COL28A1: variants seen among roughly 807,000 people sequenced by gnomAD.
COL28A1 encodes the protein collagen type XXVIII alpha 1 chain.
A neutral mutation model predicts 150.2 loss-of-function variants in COL28A1; 161 were observed. The observed-to-expected ratio is 1.07, with a 90% CI of 0.94 to 1.22. COL28A1 has a LOEUF of 1.22. Ranked by LOEUF, COL28A1 falls within the 50% of genes most tolerant of loss-of-function variation. The probability of loss-of-function intolerance (pLI) is 0.00; values close to 1 mark genes in which losing one functional copy is unlikely to be tolerated. For synonymous variants in COL28A1, 552 were observed against 469.7 expected (o/e 1.18, Z -2.26); for missense variants, 1,617 against 1,388.3 (o/e 1.16, Z -2.62).
At chr7:7,400,139 T>C (rs1375521763) in intron 27 of COL28A1, among the ~76,000 whole-genome samples, 1 of 152,224 alleles carries the variant, frequency 6.6e-6, no homozygotes, top group Non-Finnish European at 1.5e-5. Flanking sequence ...TCATGCTGAT[T>C]TAATACTTGA....
chr7:7,383,427 T>G (rs957949193), intron 27 of COL28A1, among the ~76,000 whole-genome samples: 1 of 151,550 alleles, frequency 6.6e-6, no homozygotes, highest in African/African-American at 2.4e-5. Context: ...TACAGGTGTG[T>G]GCCACTATGC....
the COL28A1 span, among the ~76,000 whole-genome samples, chr7:7,345,338 CATT>C: frequency 6.6e-5 from 10 of 151,868 alleles, no homozygotes; most frequent in Admixed American, 3.3e-4. Context: ...TTAATATGTT[CATT>C]ATTATCTTGT....
chr7:7,542,749 T>G, the COL28A1 span, among the ~76,000 whole-genome samples: 3 of 152,208 alleles, frequency 2.0e-5, no homozygotes, highest in Admixed American at 1.3e-4. Context: ...AAAATCACTC[T>G]GATTGCTGTG....
rs1419573303 is a variant in COL28A1, at chr7:7,466,088, G to A, written c.1302+8513C>T. Among the ~76,000 whole-genome samples the A allele has an allele frequency of 2.2e-5, 3 of 135,834 alleles. 1 individual carries two copies. The highest frequency in any genetic ancestry group is 4.8e-5 in the Non-Finnish European group (3 of 63,034). The allele number at this position is 135,834 out of a possible 152,430, so 89.1% of individuals were successfully genotyped here. On this transcript the variant is annotated intron_variant, in intron 15 of 34. Coordinates refer to ENST00000399429, the MANE Select transcript of COL28A1 (RefSeq NM_001037763.3). ...GGAACGCAGTTCCTCACCAGCAACA[G>A]AACAAAGCTGGATGGAGAATGACTT...
chr7:7,448,916 C>A (rs974783581), intron 18 of COL28A1, among the ~76,000 whole-genome samples: 1 of 151,876 alleles, frequency 6.6e-6, no homozygotes, highest in Non-Finnish European at 1.5e-5. Flanking sequence ...AAAAACAGAT[C>A]AATGGTTAGC....
chr7:7,387,072 A>T (rs71533371), intron 27 of COL28A1, among the ~76,000 whole-genome samples: 2 of 152,092 alleles, frequency 1.3e-5, no homozygotes, highest in Admixed American at 6.6e-5. Context: ...CACCACCCCA[A>T]GGCCCCACTT....
chr7:7,388,418 C>A (rs1407785689), intron 27 of COL28A1, among the ~76,000 whole-genome samples: 4 of 152,054 alleles, frequency 2.6e-5, no homozygotes, highest in African/African-American at 9.7e-5. Context: ...CATTAACGGG[C>A]ATTTGGGTTG....
chr7:7,454,358 G>C (rs993110568), intron 16 of COL28A1, among the ~76,000 whole-genome samples: 1 of 152,092 alleles, frequency 6.6e-6, no homozygotes, highest in African/African-American at 2.4e-5. Context: ...CATAGACAGA[G>C]GTTAAATTTA....
At chr7:7,389,423 G>GTATAGTTTGAA (rs1782397484) in intron 27 of COL28A1, among the ~76,000 whole-genome samples, 1 of 152,114 alleles carries the variant, frequency 6.6e-6, no homozygotes, top group Non-Finnish European at 1.5e-5. Flanking sequence ...TTTGAAGTCA[G>GTATAGTTTGAA]GTAGCGTAAT....
chr7:7,520,219 T>C lies in COL28A1; in HGVS notation c.760-104A>G, dbSNP rs1178610815. On this transcript the variant is annotated intron_variant, in intron 5 of 34. Transcript: ENST00000399429. ...TTTGTTTCCTAGAATGAGGGAGAATTGTAAAACCTTTACCTGCCAAGCAGA... is the reference window on the plus strand; with the variant it reads ...TTTGTTTCCTAGAATGAGGGAGAATCGTAAAACCTTTACCTGCCAAGCAGA... The C allele has an allele frequency of 6.7e-6, 4 of 598,526 alleles. No homozygotes were observed. In the South Asian group the frequency reaches 7.9e-5, roughly 12 times the overall value. 37.1% of individuals were successfully genotyped at this position (598,526 alleles called of 1,614,324 possible).
chr7:7,484,919 A>C (rs754359134), intron 13 of COL28A1, among the ~76,000 whole-genome samples: 14 of 152,158 alleles, frequency 9.2e-5, no homozygotes, highest in Non-Finnish European at 1.9e-4. Context: ...GTGGGAGCTA[A>C]ATACTGAGAA....
chr7:7,424,048 C>T (rs984385091), intron 25 of COL28A1, among the ~76,000 whole-genome samples: 4 of 152,122 alleles, frequency 2.6e-5, no homozygotes, highest in African/African-American at 9.7e-5. Flanking sequence ...AGCTATGTTT[C>T]ACATATCTAA....
chr7:7,440,476 T>G (rs1339397180), intron 21 of COL28A1, among the ~76,000 whole-genome samples: 2 of 152,202 alleles, frequency 1.3e-5, no homozygotes, highest in Non-Finnish European at 2.9e-5. Flanking sequence ...AAAGCAAGAT[T>G]ATGAAGAACT....
chr7:7,418,505 C>T (rs1038409611), intron 26 of COL28A1, among the ~76,000 whole-genome samples: 3 of 152,158 alleles, frequency 2.0e-5, no homozygotes, highest in African/African-American at 4.8e-5. Flanking sequence ...AAATAGCATG[C>T]GCTTTCCCTT....
In COL28A1 at chr7:7,409,414, G is replaced by C. The variant is rs942383443; in HGVS notation, c.2136+8445C>G. The stretch of plus-strand genomic sequence containing the variant: ...TATATTAGACAGATATGAGTAGGTG[G>C]GTAGGAGGAAGGGAGAGAGAAAGAA... On this transcript the variant is annotated intron_variant, in intron 27 of 34. Transcript: ENST00000399429. Among the ~76,000 whole-genome samples the C allele has an allele frequency of 2.0e-4, 31 of 152,012 alleles. 1 individual carries two copies. The highest frequency in any genetic ancestry group is 7.2e-4 in the African/African-American group (30 of 41,472).
chr7:7,526,669 C>T (rs1002057967), intron 3 of COL28A1, among the ~76,000 whole-genome samples: 1 of 151,882 alleles, frequency 6.6e-6, no homozygotes, highest in African/African-American at 2.4e-5. Context: ...GGAGTCTCGC[C>T]CTGTCACCTA....
At chr7:7,515,384 C>T (rs1781362728) in intron 8 of COL28A1, among the ~76,000 whole-genome samples, 1 of 152,226 alleles carries the variant, frequency 6.6e-6, no homozygotes, top group African/African-American at 2.4e-5. Flanking sequence ...AAGTCAGTGG[C>T]TCTTCACTGC....
At chr7:7,350,289 G>T in the COL28A1 span, among the ~76,000 whole-genome samples, 1 of 152,064 alleles carries the variant, frequency 6.6e-6, no homozygotes, top group Non-Finnish European at 1.5e-5. Context: ...TTTCTCAGAG[G>T]CCAGCTGCAG....
chr7:7,451,927 C>A (rs576185853), intron 18 of COL28A1, among the ~76,000 whole-genome samples: 1 of 152,110 alleles, frequency 6.6e-6, no homozygotes, highest in Non-Finnish European at 1.5e-5. Context: ...TGAAGTTGAG[C>A]GCTCAACTGG....
Sources: allele counts gnomAD v4.1 joint callset (sites outside exome capture counted in the v4.1 genomes callset), GRCh38; gene constraint gnomAD v4.1.1; transcripts MANE v1.5; gene names NCBI Gene and HGNC (gene_info 2026-07-23, HGNC 2026-07-21).